The following NMBR variants were observed in gnomAD, a reference collection of about 807,000 sequenced individuals.
The protein encoded by NMBR is neuromedin B receptor.
Under a neutral mutation model 20.5 loss-of-function variants are expected in NMBR, and 16 were observed. The observed-to-expected ratio is 0.78, with a 90% confidence interval of 0.53 to 1.19. The LOEUF (loss-of-function observed/expected upper bound fraction) is 1.19, where lower values mean the gene tolerates loss of function less well. Ranked by LOEUF, NMBR falls within the 50% of genes most tolerant of loss-of-function variation. The pLI, the probability that NMBR is intolerant of heterozygous loss-of-function variation, is 0.00. For synonymous variants in NMBR, 212 were observed against 196.6 expected (o/e 1.08, Z -0.65); for missense variants, 582 against 499.1 (o/e 1.17, Z -1.58).
chr6:142,109,406 C>T (rs941595060), intron 1 of NMBR, among the ~76,000 whole-genome samples: 7 of 150,586 alleles, frequency 4.6e-5, no homozygotes, highest in African/African-American at 1.7e-4. Flanking sequence ...CCCAGGTATT[C>T]ATTGGAAAGA....
At chr6:142,121,302 C>T (rs1344491218) in intron 1 of NMBR, among the ~76,000 whole-genome samples, 1 of 151,878 alleles carries the variant, frequency 6.6e-6, no homozygotes, top group Non-Finnish European at 1.5e-5. Flanking sequence ...AATAACCCAA[C>T]AAAGGCCTCT....
In NMBR at chr6:142,075,593, T is replaced by C; in HGVS notation, c.*55A>G. 2.7e-6 allele frequency: 4 copies of C among 1,494,122 alleles called. No individual in the cohort carries two copies. Among genetic ancestry groups the C allele is most frequent in the South Asian group, 2.7e-5 (2 of 74,124 alleles). The allele number at this position is 1,494,122 out of a possible 1,614,324, so 92.6% of individuals were successfully genotyped here. On this transcript the variant is annotated 3_prime_UTR_variant, in exon 4 of 4. Coordinates refer to ENST00000258042, the MANE Select transcript of NMBR (RefSeq NM_002511.4). Reference sequence around the variant, plus strand: ...CAACAGCAAGTTCTGATCTGCCGAATAGGAATTTTAACAGTTACTAAGTTC... The same window carrying C: ...CAACAGCAAGTTCTGATCTGCCGAACAGGAATTTTAACAGTTACTAAGTTC...
chr6:142,118,969 G>A (rs11967432), intron 1 of NMBR, among the ~76,000 whole-genome samples: 5,388 of 152,080 alleles, frequency 0.035, 314 homozygotes, highest in African/African-American at 0.12. Context: ...AGTTGCCTGC[G>A]TAAAGAAATG....
intron 2 of NMBR, among the ~76,000 whole-genome samples, chr6:142,085,313 C>T (rs1337852465): frequency 6.6e-6 from 1 of 152,192 alleles, no homozygotes; most frequent in Non-Finnish European, 1.5e-5. Context: ...CGCTTGAGGT[C>T]AGCAGTTCGA....
intron 2 of NMBR, among the ~76,000 whole-genome samples, chr6:142,087,466 G>A (rs1777220677): frequency 6.6e-6 from 1 of 152,058 alleles, no homozygotes; most frequent in Admixed American, 6.6e-5. Context: ...TTCCTCCCTG[G>A]TCTTCCATTA....
rs1777269152 is a variant in NMBR, at chr6:142,089,116, A to G, written c.-458T>C. The G allele has an allele frequency of 1.8e-5, 3 of 167,876 alleles. No homozygotes were observed. Among genetic ancestry groups the G allele is most frequent in the South Asian group, 2.8e-4 (2 of 7,038 alleles). The allele number at this position is 167,876 out of a possible 1,614,324, so 10.4% of individuals were successfully genotyped here. A position where few individuals can be genotyped will look rare whatever the true frequency, so the allele number is the denominator to read the frequency against. ...GAAATCCCGGGAACTAGGCGGGGCC[A>G]CCTGCAACCTGCTTTTCCCACAGCT... On this transcript the variant is annotated 5_prime_UTR_variant, in exon 2 of 4. Coordinates refer to ENST00000258042, the MANE Select transcript of NMBR (RefSeq NM_002511.4).
Position 142,088,310 on chromosome 6 carries a change from T to G in NMBR, c.349A>C (p.Lys117Gln). Reference protein sequence around the residue: ...DEWMFGKVGCKLIPVIQLTSV... With the variant: ...DEWMFGKVGCQLIPVIQLTSV... The stretch of plus-strand genomic sequence containing the variant: ...GTGAGCTGGATGACAGGGATCAGTT[T>G]GCAGCCCACCTTGCCAAACATCCAC... Residue 117 changes from lysine to glutamine, a missense_variant, in exon 2 of 4, where the codon AAA becomes CAA. Transcript: ENST00000258042. 1.9e-6 allele frequency: 3 copies of G among 1,614,096 alleles called. No homozygotes were observed. In the South Asian group the frequency reaches 3.3e-5, roughly 18 times the overall value.
intron 1 of NMBR, among the ~76,000 whole-genome samples, chr6:142,139,401 T>C (rs1233884647): frequency 6.6e-6 from 1 of 152,238 alleles, no homozygotes; most frequent in African/African-American, 2.4e-5. Context: ...TCTTGAGTAT[T>C]GTTCCTTTTG....
chr6:142,111,010 C>A (rs574881412), intron 1 of NMBR, among the ~76,000 whole-genome samples: 91 of 152,148 alleles, frequency 6.0e-4, no homozygotes, highest in African/African-American at 2.2e-3. Flanking sequence ...GAGGCCAAGG[C>A]GCATGGATCA....
Position 142,088,824 on chromosome 6 carries a change from G to C in NMBR, c.-166C>G. ...CCACGTCCCTAAGAGTTCAGGACCT[G>C]GGGAGGGGTCTGTCCACACACTCGG... On this transcript the variant is annotated 5_prime_UTR_variant, in exon 2 of 4. Coordinates refer to ENST00000258042, the MANE Select transcript of NMBR (RefSeq NM_002511.4). 1.6e-6 allele frequency: 1 copy of C among 628,108 alleles called. No individual in the cohort carries two copies. The highest frequency in any genetic ancestry group is 2.0e-5 in the South Asian group (1 of 49,850). The allele number at this position is 628,108 out of a possible 1,614,324, so 38.9% of individuals were successfully genotyped here.
At chr6:142,119,879 G>C (rs1487577077) in intron 1 of NMBR, among the ~76,000 whole-genome samples, 1 of 151,850 alleles carries the variant, frequency 6.6e-6, no homozygotes, top group Non-Finnish European at 1.5e-5. Flanking sequence ...AAATCTGTTG[G>C]CTTCATTTTA....
intron 1 of NMBR, among the ~76,000 whole-genome samples, chr6:142,127,692 C>T (rs1242156292): frequency 6.6e-6 from 1 of 150,988 alleles, no homozygotes; most frequent in Non-Finnish European, 1.5e-5. Context: ...TTGTACAAGT[C>T]TTTCGCCTCT....
chr6:142,104,526 T>C (rs1777625840), intron 1 of NMBR, among the ~76,000 whole-genome samples: 1 of 152,196 alleles, frequency 6.6e-6, no homozygotes, highest in Admixed American at 6.5e-5. Flanking sequence ...GCTTGTCAAA[T>C]ATTTCAAAGT....
At chr6:142,083,550 T>G (rs375976035) in intron 2 of NMBR, among the ~76,000 whole-genome samples, 1 of 152,142 alleles carries the variant, frequency 6.6e-6, no homozygotes, top group Non-Finnish European at 1.5e-5. Flanking sequence ...AGAATTGTAA[T>G]CCCCAGTGGT....
intron 1 of NMBR, among the ~76,000 whole-genome samples, chr6:142,127,796 GT>G (rs1778064689): frequency 6.6e-6 from 1 of 151,362 alleles, no homozygotes; most frequent in African/African-American, 2.4e-5. Flanking sequence ...CTCATTTTTT[GT>G]TTGTGTACAG....
chr6:142,139,834 A>T (rs1778335006), intron 1 of NMBR, among the ~76,000 whole-genome samples: 3 of 152,214 alleles, frequency 2.0e-5, no homozygotes, highest in Admixed American at 1.3e-4. Flanking sequence ...TTCATATTCC[A>T]ATATAAAAAC....
chr6:142,094,948 CTGTT>C (rs1349175048), intron 1 of NMBR, among the ~76,000 whole-genome samples: 15 of 152,212 alleles, frequency 9.9e-5, no homozygotes, highest in African/African-American at 3.4e-4. Context: ...ATTTGGTTCT[CTGTT>C]TGTCTGTTAT....
At chr6:142,133,912 C>T (rs1487066049) in intron 1 of NMBR, 3 of 702,200 alleles carry the variant, frequency 4.3e-6, no homozygotes, top group Non-Finnish European at 7.8e-6. Context: ...TCCGAATATT[C>T]TTCCTCGGGG....
At chr6:142,079,285 C>G (rs920877103) in intron 2 of NMBR, among the ~76,000 whole-genome samples, 10 of 152,072 alleles carry the variant, frequency 6.6e-5, no homozygotes, top group Non-Finnish European at 1.5e-5. Flanking sequence ...CTTTATAGCT[C>G]AAATTTATTT....
Sources: gnomAD v4.1 joint callset for allele counts (sites outside exome capture counted in the v4.1 genomes callset) on GRCh38, gnomAD v4.1.1 for gene constraint, MANE v1.5 for transcripts, NCBI Gene and HGNC (gene_info 2026-07-23, HGNC 2026-07-21) for gene names.